MAGI3: variants seen among roughly 807,000 people sequenced by gnomAD.
MAGI3 encodes membrane-associated guanylate kinase, WW and PDZ domain-containing protein 3.
A neutral mutation model predicts 121.8 loss-of-function variants in MAGI3; 43 were observed. That is an observed-to-expected ratio of 0.35 (90% CI 0.28 to 0.46). The LOEUF (loss-of-function observed/expected upper bound fraction) is 0.46, where lower values mean the gene tolerates loss of function less well. Ranked by LOEUF, MAGI3 falls within the 20% of genes least tolerant of loss-of-function variation. The pLI is 1.00. For synonymous variants in MAGI3, 553 were observed against 639.3 expected (o/e 0.86, Z 2.04); for missense variants, 1,547 against 1,797.3 (o/e 0.86, Z 2.52).
Position 113,390,968 on chromosome 1 carries a change from G to T in MAGI3, c.-66G>T, listed in dbSNP as rs1183971770. 21 of 1,411,866 alleles carry T rather than the reference G, an allele frequency of 1.5e-5. No individual in the cohort carries two copies. The highest frequency in any genetic ancestry group is 1.9e-5 in the Non-Finnish European group (20 of 1,079,574). The allele number at this position is 1,411,866 out of a possible 1,614,324, so 87.5% of individuals were successfully genotyped here. A position where few individuals can be genotyped will look rare whatever the true frequency, so the allele number is the denominator to read the frequency against. On this transcript the variant is annotated 5_prime_UTR_variant, in exon 1 of 21. Coordinates refer to ENST00000307546, the MANE Select transcript of MAGI3 (RefSeq NM_001142782.2). ...GGGCCGCCCAGGGCCCCCGGGCTGA[G>T]ACGGGGCCGGAGCGGCGCCCCGGCC...
At chr1:113,596,900 A>G (rs949915563) in intron 6 of MAGI3, among the ~76,000 whole-genome samples, 9 of 152,264 alleles carry the variant, frequency 5.9e-5, no homozygotes, top group African/African-American at 1.9e-4. Flanking sequence ...GCCACTTTGG[A>G]GAACAGTTTG....
intron 1 of MAGI3, among the ~76,000 whole-genome samples, chr1:113,419,639 CT>C (rs112627193): frequency 0.24 from 36,759 of 151,996 alleles, 5,099 homozygotes; most frequent in East Asian, 0.63. Flanking sequence ...AGAGCAAGAC[CT>C]TGTATTTTTG....
intron 2 of MAGI3, among the ~76,000 whole-genome samples, chr1:113,571,490 C>T (rs970516323): frequency 1.3e-5 from 2 of 152,104 alleles, no homozygotes; most frequent in Non-Finnish European, 2.9e-5. Flanking sequence ...GGCAGTGTGG[C>T]CATTTTCACA....
At chr1:113,664,519 G>A (rs992750823) in intron 16 of MAGI3, among the ~76,000 whole-genome samples, 1 of 152,068 alleles carries the variant, frequency 6.6e-6, no homozygotes, top group Non-Finnish European at 1.5e-5. Flanking sequence ...CAGAAGTTTA[G>A]GCCAGCCTAG....
At chr1:113,603,990 T>G (rs757989058) in intron 6 of MAGI3, among the ~76,000 whole-genome samples, 1 of 152,184 alleles carries the variant, frequency 6.6e-6, no homozygotes, top group Non-Finnish European at 1.5e-5. Context: ...CAATAGATGT[T>G]GGCATGGGTG....
At chr1:113,580,697 A>G (rs763263454) in intron 3 of MAGI3, 36 bp downstream of exon 3, 6 of 1,539,826 alleles carry the variant, frequency 3.9e-6, no homozygotes, top group Non-Finnish European at 5.2e-6. Flanking sequence ...CACCCAAAAA[A>G]CTATCTGAAC....
At chr1:113,491,528 G>A (rs1485740513) in intron 1 of MAGI3, among the ~76,000 whole-genome samples, 1 of 152,078 alleles carries the variant, frequency 6.6e-6, no homozygotes, top group African/African-American at 2.4e-5. Flanking sequence ...ACCAAAATTA[G>A]AGCGAACTGA....
intron 1 of MAGI3, among the ~76,000 whole-genome samples, chr1:113,444,326 C>T (rs1029423349): frequency 3.9e-5 from 6 of 152,168 alleles, no homozygotes; most frequent in Admixed American, 6.5e-5. Context: ...ATACCTACCC[C>T]CATTGTTGCA....
intron 19 of MAGI3, among the ~76,000 whole-genome samples, chr1:113,675,690 A>G (rs1647825709): frequency 6.6e-6 from 1 of 152,218 alleles, no homozygotes; most frequent in Non-Finnish European, 1.5e-5. Flanking sequence ...ACTAGATAAA[A>G]TAAAGAAAAT....
intron 1 of MAGI3, among the ~76,000 whole-genome samples, chr1:113,406,304 CG>C (rs1557738318): frequency 6.7e-6 from 1 of 149,238 alleles, no homozygotes; most frequent in African/African-American, 2.5e-5. Flanking sequence ...AAAAATTAGC[CG>C]GGTGTGGTGG....
At chr1:113,473,932 T>G (rs1305854869) in intron 1 of MAGI3, among the ~76,000 whole-genome samples, 1 of 152,190 alleles carries the variant, frequency 6.6e-6, no homozygotes, top group African/African-American at 2.4e-5. Flanking sequence ...CCATCTGTTG[T>G]TTCCTGAATT....
chr1:113,554,652 C>T (rs1659914656), intron 2 of MAGI3, among the ~76,000 whole-genome samples: 1 of 151,610 alleles, frequency 6.6e-6, no homozygotes, highest in African/African-American at 2.4e-5. Context: ...TTACCCATGA[C>T]AAACTATCAA....
intron 16 of MAGI3, among the ~76,000 whole-genome samples, chr1:113,668,642 G>A (rs1200998643): frequency 6.9e-6 from 1 of 145,788 alleles, no homozygotes; most frequent in African/African-American, 2.5e-5. Context: ...GACTGCAGTG[G>A]CGCAATCTCG....
chr1:113,541,048 G>T (rs1269705516), intron 1 of MAGI3, among the ~76,000 whole-genome samples: 1 of 151,756 alleles, frequency 6.6e-6, no homozygotes, highest in African/African-American at 2.4e-5. Flanking sequence ...TAATTCTTCT[G>T]ATTATAAATG....
intron 1 of MAGI3, among the ~76,000 whole-genome samples, chr1:113,532,023 T>C (rs542908310): frequency 6.6e-6 from 1 of 152,192 alleles, no homozygotes; most frequent in Admixed American, 6.5e-5. Context: ...CAAACATCAG[T>C]GGTTCTTTTA....
chr1:113,597,921 A>G (rs1265981826), intron 6 of MAGI3, among the ~76,000 whole-genome samples: 1 of 152,212 alleles, frequency 6.6e-6, no homozygotes, highest in Non-Finnish European at 1.5e-5. Context: ...AAAGCATGCA[A>G]CTTACAGGAC....
At chr1:113,478,856 G>C (rs1017927652) in intron 1 of MAGI3, among the ~76,000 whole-genome samples, 1 of 152,240 alleles carries the variant, frequency 6.6e-6, no homozygotes, top group Non-Finnish European at 1.5e-5. Context: ...GCTCACAGAG[G>C]TGGAGTCTAG....
intron 1 of MAGI3, among the ~76,000 whole-genome samples, chr1:113,539,883 G>T (rs1441364069): frequency 1.3e-5 from 2 of 150,904 alleles, no homozygotes; most frequent in African/African-American, 2.4e-5. Flanking sequence ...CGACCTCCCT[G>T]GCTTAGGTGA....
chr1:113,641,091 T>TA (rs1557869108), intron 9 of MAGI3, among the ~76,000 whole-genome samples: 335 of 20,208 alleles, frequency 0.017, 10 homozygotes, highest in Non-Finnish European at 0.031. Flanking sequence ...GAGATATATA[T>TA]TATATATATG....
Sources: allele counts gnomAD v4.1 joint callset (sites outside exome capture counted in the v4.1 genomes callset), GRCh38; gene constraint gnomAD v4.1.1; transcripts MANE v1.5; gene names NCBI Gene and HGNC (gene_info 2026-07-23, HGNC 2026-07-21).